GCSAM: variants seen among roughly 807,000 people sequenced by gnomAD.
The protein encoded by GCSAM is germinal center-associated signaling and motility protein.
Under a neutral mutation model 17.6 loss-of-function variants are expected in GCSAM, and 8 were observed. The ratio of observed to expected loss-of-function variants is 0.46; its 90% CI spans 0.27 to 0.82. The LOEUF (loss-of-function observed/expected upper bound fraction) is 0.82. GCSAM is among the 40% of genes least tolerant of loss of function. GCSAM has a pLI of 0.15. For synonymous variants in GCSAM, 68 were observed against 69.0 expected (o/e 0.98, Z 0.07); for missense variants, 192 against 213.5 (o/e 0.90, Z 0.63).
chr3:112,128,125 C>T lies in GCSAM; in HGVS notation c.99-64G>A, dbSNP rs563169830. Reference sequence around the variant, plus strand: ...TTTCTGCAGCTTTGTTAAGGTGACTCCTTTCCTTTTGCCATTTCTGTGGAA... The same window carrying T: ...TTTCTGCAGCTTTGTTAAGGTGACTTCTTTCCTTTTGCCATTTCTGTGGAA... On this transcript the variant is annotated intron_variant, in intron 2 of 5. Coordinates refer to ENST00000308910, the MANE Select transcript of GCSAM (RefSeq NM_152785.5). 2.7e-6 allele frequency: 4 copies of T among 1,473,880 alleles called. No homozygotes were observed. In the Admixed American group the frequency reaches 5.0e-5, roughly 19 times the overall value. 91.3% of individuals were successfully genotyped at this position (1,473,880 alleles called of 1,614,324 possible).
rs2074223203 is a variant in GCSAM, at chr3:112,122,702, C to CT, written c.*752dup. ...GCTCCAAATTAAGTTTTGCCACTAA[C>CT]TTTAATGTATCATTAGGCAAATTAT... On this transcript the variant is annotated 3_prime_UTR_variant, in exon 6 of 6. Coordinates refer to ENST00000308910, the MANE Select transcript of GCSAM (RefSeq NM_152785.5). 2 of 152,144 alleles carry CT rather than the reference C, an allele frequency of 1.3e-5. No individual in the cohort carries two copies. Among genetic ancestry groups the CT allele is most frequent in the African/African-American group, 4.8e-5 (2 of 41,426 alleles). The allele number at this position is 152,144 out of a possible 1,614,324, so 9.4% of individuals were successfully genotyped here.
chr3:112,125,542 C>A (rs1576162886), intron 4 of GCSAM, among the ~76,000 whole-genome samples: 1 of 152,206 alleles, frequency 6.6e-6, no homozygotes, highest in African/African-American at 2.4e-5. Flanking sequence ...CCTTACCTAG[C>A]CCCGTCTCCT....
At chr3:112,128,679 C>T (rs1442164173) in intron 2 of GCSAM, 1 of 169,002 alleles carries the variant, frequency 5.9e-6, no homozygotes, top group African/African-American at 2.4e-5. Context: ...CAGGACAACC[C>T]TGGTGCAGGA....
chr3:112,125,384 G>C (rs1456394582), intron 4 of GCSAM, 130 bp from the exon 5 acceptor site: 2 of 677,048 alleles, frequency 3.0e-6, no homozygotes. Context: ...AGGCTATTCT[G>C]ATCTACAGCA....
chr3:112,123,817 A>G (rs749974114), intron 5 of GCSAM, 45 bp from the exon 6 acceptor site: 4 of 1,576,140 alleles, frequency 2.5e-6, no homozygotes, highest in Admixed American at 1.8e-5. Context: ...GTCTCTTGCC[A>G]TGACCTTTAC....
intron 5 of GCSAM, among the ~76,000 whole-genome samples, chr3:112,124,109 G>A (rs1309834824): frequency 2.0e-5 from 3 of 152,176 alleles, no homozygotes. Context: ...GAGGTGTTTT[G>A]GTTATGGGAG....
In GCSAM at chr3:112,123,324, A is replaced by C; in HGVS notation, c.*131T>G. 5 of 1,479,898 alleles carry C rather than the reference A, an allele frequency of 3.4e-6. No homozygotes were observed. The highest frequency in any genetic ancestry group is 4.5e-6 in the Non-Finnish European group (5 of 1,118,408). The allele number at this position is 1,479,898 out of a possible 1,614,324, so 91.7% of individuals were successfully genotyped here. On this transcript the variant is annotated 3_prime_UTR_variant, in exon 6 of 6. Transcript: ENST00000308910. ...TAAGAGGGCTTGTGGTATACAAACC[A>C]TGCTCTGCAGGGAAAGGGTTGTTGT...
At chr3:112,132,942 G>A in intron 1 of GCSAM, 150 bp downstream of exon 1, 1 of 750,134 alleles carries the variant, frequency 1.3e-6, no homozygotes, top group Non-Finnish European at 2.2e-6. Flanking sequence ...ATCTGGCACA[G>A]AGTAGGCACT....
intron 1 of GCSAM, among the ~76,000 whole-genome samples, chr3:112,132,372 A>T (rs1301234088): frequency 1.3e-5 from 2 of 152,168 alleles, no homozygotes; most frequent in African/African-American, 4.8e-5. Context: ...ACCCCACTTT[A>T]TACCCTAGAG....
intron 2 of GCSAM, chr3:112,130,108 T>C (rs2074416523): frequency 3.9e-6 from 1 of 253,266 alleles, no homozygotes; most frequent in East Asian, 7.8e-5. Context: ...TAAAATAAAA[T>C]GGCTAGGGTG....
At chr3:112,132,332 C>A (rs2074476426) in intron 1 of GCSAM, among the ~76,000 whole-genome samples, 1 of 152,088 alleles carries the variant, frequency 6.6e-6, no homozygotes. Context: ...CTGTGAAGAC[C>A]CCCTCTGGCT....
chr3:112,125,292 T>C, intron 4 of GCSAM, 38 bp from the exon 5 acceptor site: 3 of 1,458,826 alleles, frequency 2.1e-6, no homozygotes, highest in Admixed American at 1.7e-5. Context: ...TTTCAGGTTA[T>C]GGGGAGATTT....
chr3:112,123,570 G>T lies in GCSAM; in HGVS notation c.422C>A (p.Ala141Asp). The change falls in exon 6 of 6, where the codon GCC becomes GAC. Residue 141 changes from alanine to aspartate, a missense_variant. By Grantham distance (126) the Ala-to-Asp change is moderately radical. Transcript: ENST00000308910. ...LHMPSTDPRH[A>D]RSPEDEYELL... is the part of the protein sequence containing the mutation. Reference sequence around the variant, plus strand: ...TTCATATTCATCTTCTGGGGATCGGGCATGCCTGGGGTCTGTAGAAGGCAT... The same window carrying T: ...TTCATATTCATCTTCTGGGGATCGGTCATGCCTGGGGTCTGTAGAAGGCAT... 6.2e-7 allele frequency: 1 copy of T among 1,614,156 alleles called. No homozygotes were observed. Among genetic ancestry groups the T allele is most frequent in the Non-Finnish European group, 8.5e-7 (1 of 1,180,016 alleles).
At chr3:112,127,080 C>G in intron 3 of GCSAM, 47 bp from the exon 4 acceptor site, 2 of 1,245,308 alleles carry the variant, frequency 1.6e-6, no homozygotes, top group South Asian at 2.5e-5. Context: ...CAGAAACTCT[C>G]AAAGGAAATG....
At chr3:112,129,975 A>T (rs2074413025) in intron 2 of GCSAM, 1 of 156,570 alleles carries the variant, frequency 6.4e-6, no homozygotes, top group Non-Finnish European at 1.4e-5. Context: ...CTGTTCAAAA[A>T]GAATTAATGA....
intron 3 of GCSAM, among the ~76,000 whole-genome samples, chr3:112,127,747 G>A (rs1316981408): frequency 6.6e-6 from 1 of 152,118 alleles, no homozygotes; most frequent in Admixed American, 6.5e-5. Context: ...TTTGCAGTGT[G>A]AAAAAAACGT....
intron 1 of GCSAM, among the ~76,000 whole-genome samples, chr3:112,131,434 T>C (rs1055810658): frequency 1.3e-5 from 2 of 152,168 alleles, no homozygotes; most frequent in African/African-American, 4.8e-5. Flanking sequence ...CAATGAAAAT[T>C]AGATACCAAT....
intron 1 of GCSAM, among the ~76,000 whole-genome samples, chr3:112,132,305 G>A (rs2074475555): frequency 6.6e-6 from 1 of 151,938 alleles, no homozygotes; most frequent in Admixed American, 6.6e-5. Context: ...CTGAGACCAG[G>A]GATTCCAAAC....
intron 4 of GCSAM, among the ~76,000 whole-genome samples, chr3:112,125,722 G>A (rs1267541725): frequency 6.6e-6 from 1 of 152,200 alleles, no homozygotes. Flanking sequence ...GCAGAGGGCC[G>A]TCGTTTCTAC....
Sources: gnomAD v4.1 joint callset for allele counts (sites outside exome capture counted in the v4.1 genomes callset) on GRCh38, gnomAD v4.1.1 for gene constraint, MANE v1.5 for transcripts, NCBI Gene and HGNC (gene_info 2026-07-23, HGNC 2026-07-21) for gene names.